Variants in LRRTM4 observed in about 807,000 individuals in gnomAD.
The protein encoded by LRRTM4 is leucine rich repeat transmembrane neuronal 4.
A neutral mutation model predicts 47.6 loss-of-function variants in LRRTM4; 25 were observed. The observed-to-expected ratio is 0.53, with a 90% CI of 0.38 to 0.73. The LOEUF is 0.73. Ranked by LOEUF, LRRTM4 falls within the 30% of genes least tolerant of loss-of-function variation. The pLI is 0.00. For synonymous variants in LRRTM4, 311 were observed against 269.5 expected (o/e 1.15, Z -1.51); for missense variants, 638 against 713.4 (o/e 0.89, Z 1.20).
intron 3 of LRRTM4, among the ~76,000 whole-genome samples, chr2:76,850,632 G>GTTGT (rs1328947859): frequency 1.3e-5 from 2 of 152,184 alleles, no homozygotes; most frequent in Admixed American, 6.5e-5. Flanking sequence ...TTTGCACACA[G>GTTGT]TAGGAACTTA....
chr2:77,087,036 AAAG>A (rs1558571889), intron 3 of LRRTM4, among the ~76,000 whole-genome samples: 1 of 151,830 alleles, frequency 6.6e-6, no homozygotes, highest in Non-Finnish European at 1.5e-5. Context: ...CAGAAACACA[AAAG>A]AAGATAGAAT....
chr2:77,102,827 C>A (rs1430138739), intron 3 of LRRTM4, among the ~76,000 whole-genome samples: 1 of 152,146 alleles, frequency 6.6e-6, no homozygotes, highest in Non-Finnish European at 1.5e-5. Context: ...AGTTTGGTGT[C>A]TGCTTTTGCT....
chr2:76,770,621 T>C (rs2104110985), intron 3 of LRRTM4, among the ~76,000 whole-genome samples: 1 of 152,358 alleles, frequency 6.6e-6, no homozygotes, highest in East Asian at 1.9e-4. Flanking sequence ...ATTTTAATTC[T>C]TTTTAAAAGA....
At chr2:76,951,566 T>A (rs529489448) in intron 3 of LRRTM4, among the ~76,000 whole-genome samples, 3 of 152,100 alleles carry the variant, frequency 2.0e-5, no homozygotes, top group Admixed American at 2.0e-4. Flanking sequence ...CTTAAAAATT[T>A]CAAGGTTTGT....
intron 3 of LRRTM4, among the ~76,000 whole-genome samples, chr2:77,434,268 A>G (rs1443787943): frequency 6.6e-6 from 1 of 152,094 alleles, no homozygotes; most frequent in African/African-American, 2.4e-5. Context: ...AGTTTTCCAC[A>G]TGTCAGAGCA....
intron 3 of LRRTM4, among the ~76,000 whole-genome samples, chr2:77,500,856 T>A (rs1678546916): frequency 6.6e-6 from 1 of 151,538 alleles, no homozygotes; most frequent in Non-Finnish European, 1.5e-5. Flanking sequence ...AAGAGGTAGA[T>A]CTTTATTTAC....
At chr2:77,112,962 G>A (rs534463748) in intron 3 of LRRTM4, among the ~76,000 whole-genome samples, 1 of 152,252 alleles carries the variant, frequency 6.6e-6, no homozygotes, top group South Asian at 2.1e-4. Flanking sequence ...ATCCGAGACA[G>A]ATTTTTCAAC....
intron 3 of LRRTM4, among the ~76,000 whole-genome samples, chr2:76,790,527 C>T (rs1471883895): frequency 6.6e-6 from 1 of 152,108 alleles, no homozygotes; most frequent in Non-Finnish European, 1.5e-5. Context: ...TCAGAAAGTA[C>T]TTTGGGGTTT....
intron 3 of LRRTM4, among the ~76,000 whole-genome samples, chr2:76,928,857 T>C (rs1194976319): frequency 1.3e-5 from 2 of 152,158 alleles, no homozygotes; most frequent in African/African-American, 2.4e-5. Context: ...TGTGATGTAG[T>C]CAACTTTAAT....
At chr2:77,355,811 G>A (rs1186687603) in intron 3 of LRRTM4, among the ~76,000 whole-genome samples, 1 of 152,124 alleles carries the variant, frequency 6.6e-6, no homozygotes, top group Non-Finnish European at 1.5e-5. Flanking sequence ...TTATAGGTGG[G>A]ACCAGGCACA....
At chr2:76,783,368 T>C (rs1414715294) in intron 3 of LRRTM4, among the ~76,000 whole-genome samples, 1 of 152,154 alleles carries the variant, frequency 6.6e-6, no homozygotes, top group Non-Finnish European at 1.5e-5. Flanking sequence ...TTTTAAAAAC[T>C]TTTTTTAATG....
Position 76,943,390 on chromosome 2 carries a change from C to CGCACCACT in LRRTM4, c.1552-194482_1552-194475dup, listed in dbSNP as rs1429426405. Among the ~76,000 whole-genome samples, 6 of 152,154 alleles carry CGCACCACT rather than the reference C, an allele frequency of 3.9e-5. No individual in the cohort carries two copies. In the South Asian group the frequency reaches 1.2e-3, roughly 32 times the overall value. On this transcript the variant is annotated intron_variant, in intron 3 of 3. Transcript: ENST00000409884. Reference sequence around the variant, plus strand: ...GGCAGAGCTTGCAGTGGGCGGAGATCGCACCACTGCACCCCCGCCTGGCAA... The same window carrying CGCACCACT: ...GGCAGAGCTTGCAGTGGGCGGAGATCGCACCACTGCACCACTGCACCCCCGCCTGGCAA...
At chr2:77,434,458 AAAACT>A in intron 3 of LRRTM4, among the ~76,000 whole-genome samples, 1 of 152,266 alleles carries the variant, frequency 6.6e-6, no homozygotes, top group East Asian at 1.9e-4. Context: ...AAAAAAAAAA[AAAACT>A]AATGGATTGA....
At chr2:77,433,410 T>C (rs896264990) in intron 3 of LRRTM4, among the ~76,000 whole-genome samples, 8 of 152,124 alleles carry the variant, frequency 5.3e-5, no homozygotes, top group Admixed American at 5.2e-4. Context: ...GAATTAACCA[T>C]AACACTTTAA....
At chr2:76,800,596 G>C (rs1675613240) in intron 3 of LRRTM4, among the ~76,000 whole-genome samples, 1 of 141,518 alleles carries the variant, frequency 7.1e-6, no homozygotes, top group Non-Finnish European at 1.5e-5. Flanking sequence ...AGCCAAAATT[G>C]ACAAATGGGA....
At chr2:77,384,265 G>A (rs1673175704) in intron 3 of LRRTM4, among the ~76,000 whole-genome samples, 1 of 151,444 alleles carries the variant, frequency 6.6e-6, no homozygotes, top group Non-Finnish European at 1.5e-5. Flanking sequence ...CATATAGTTT[G>A]ATAGTTTAGA....
intron 3 of LRRTM4, among the ~76,000 whole-genome samples, chr2:77,275,398 T>C (rs545753746): frequency 4.6e-5 from 7 of 152,264 alleles, no homozygotes; most frequent in African/African-American, 1.7e-4. Context: ...ATTATTTTTA[T>C]AGAACCAAAT....
At chr2:77,256,262 A>G (rs945077325) in intron 3 of LRRTM4, among the ~76,000 whole-genome samples, 1 of 152,178 alleles carries the variant, frequency 6.6e-6, no homozygotes, top group African/African-American at 2.4e-5. Context: ...ATCAATTAAG[A>G]AATTTGTTTA....
At chr2:77,290,790 G>GT (rs1286557639) in intron 3 of LRRTM4, among the ~76,000 whole-genome samples, 1 of 151,824 alleles carries the variant, frequency 6.6e-6, no homozygotes, top group Non-Finnish European at 1.5e-5. Flanking sequence ...TTTTCCTCTT[G>GT]TTTTTCCTAC....
Sources: allele counts gnomAD v4.1 joint callset (sites outside exome capture counted in the v4.1 genomes callset), GRCh38; gene constraint gnomAD v4.1.1; transcripts MANE v1.5; gene names NCBI Gene and HGNC (gene_info 2026-07-23, HGNC 2026-07-21).